The following ANAPC10 variants were observed in gnomAD, a reference collection of about 807,000 sequenced individuals.
ANAPC10 encodes anaphase promoting complex subunit 10.
In ANAPC10, 12 loss-of-function variants were observed where a neutral mutation model predicts 22.0. The observed-to-expected ratio is 0.55, with a 90% CI of 0.35 to 0.88. ANAPC10 has a LOEUF of 0.88. Ranked by LOEUF, ANAPC10 falls within the 40% of genes least tolerant of loss-of-function variation. The pLI, the probability that ANAPC10 is intolerant of heterozygous loss-of-function variation, is 0.01. For synonymous variants in ANAPC10, 65 were observed against 69.5 expected (o/e 0.94, Z 0.32); for missense variants, 188 against 220.9 (o/e 0.85, Z 0.94).
At chr4:145,060,351 C>G (rs1307017414) in intron 4 of ANAPC10, among the ~76,000 whole-genome samples, 1 of 151,924 alleles carries the variant, frequency 6.6e-6, no homozygotes, top group Non-Finnish European at 1.5e-5. Flanking sequence ...AAGGAAGGGT[C>G]TGATGCCTTT....
At chr4:145,031,920 C>A (rs1372931712) in intron 4 of ANAPC10, among the ~76,000 whole-genome samples, 3 of 152,220 alleles carry the variant, frequency 2.0e-5, no homozygotes, top group Non-Finnish European at 4.4e-5. Context: ...TCTGACCCAT[C>A]TAACTATAAA....
chr4:145,089,693 G>T (rs1204758881), intron 2 of ANAPC10, among the ~76,000 whole-genome samples: 1 of 152,040 alleles, frequency 6.6e-6, no homozygotes, highest in African/African-American at 2.4e-5. Flanking sequence ...AAAGATTTTT[G>T]CAAAGCCATG....
At chr4:145,057,587 C>T (rs947232730) in intron 4 of ANAPC10, among the ~76,000 whole-genome samples, 2 of 152,072 alleles carry the variant, frequency 1.3e-5, no homozygotes, top group Non-Finnish European at 2.9e-5. Context: ...TATCTCTAAC[C>T]CAGACTTCTT....
At chr4:145,028,525 C>G (rs1737078005) in intron 4 of ANAPC10, among the ~76,000 whole-genome samples, 1 of 152,104 alleles carries the variant, frequency 6.6e-6, no homozygotes, top group Admixed American at 6.6e-5. Context: ...ATGACTAATA[C>G]AGCTTTTGGT....
At chr4:145,003,797 T>C (rs1163608145) in intron 4 of ANAPC10, among the ~76,000 whole-genome samples, 1 of 152,186 alleles carries the variant, frequency 6.6e-6, no homozygotes, top group African/African-American at 2.4e-5. Context: ...TTGTTCTTCT[T>C]GTGTAAGATC....
intron 4 of ANAPC10, among the ~76,000 whole-genome samples, chr4:145,040,088 G>C (rs913597625): frequency 6.6e-6 from 1 of 151,604 alleles, no homozygotes; most frequent in African/African-American, 2.4e-5. Flanking sequence ...AGATTATATA[G>C]AAAAGCAAAC....
intron 2 of ANAPC10, among the ~76,000 whole-genome samples, chr4:145,086,301 G>A (rs924669525): frequency 2.6e-5 from 4 of 152,122 alleles, no homozygotes; most frequent in Non-Finnish European, 5.9e-5. Context: ...CTAAAACAAA[G>A]ACGTATCTAT....
chr4:145,066,113 G>A (rs1316294950), intron 3 of ANAPC10, among the ~76,000 whole-genome samples: 1 of 152,100 alleles, frequency 6.6e-6, no homozygotes, highest in Non-Finnish European at 1.5e-5. Flanking sequence ...GAAGTACTCT[G>A]TGTCAAAAGT....
At chr4:145,040,173 G>A (rs898254615) in intron 4 of ANAPC10, among the ~76,000 whole-genome samples, 2 of 149,390 alleles carry the variant, frequency 1.3e-5, no homozygotes, top group Admixed American at 6.7e-5. Context: ...GTTTTGAGAC[G>A]GAGTTTTGCT....
Position 145,025,340 on chromosome 4 carries a change from C to G in ANAPC10, c.328-29737G>C, listed in dbSNP as rs555429019. On this transcript the variant is annotated intron_variant, in intron 4 of 4. Coordinates refer to ENST00000507656, the MANE Select transcript of ANAPC10 (RefSeq NM_001256706.2). ...ATTTTGGCTTTCAACACGCCCCCCCCCCCTTTTAAGCTCAGTCCTTTCTAG... is the reference window on the plus strand; with the variant it reads ...ATTTTGGCTTTCAACACGCCCCCCCGCCCTTTTAAGCTCAGTCCTTTCTAG... Among the ~76,000 whole-genome samples, 9 of 150,424 alleles carry G rather than the reference C, an allele frequency of 6.0e-5. No individual in the cohort carries two copies. The South Asian group carries it at 6.6e-4, about 11-fold the overall frequency.
chr4:145,040,554 T>G (rs1439009674), intron 4 of ANAPC10, among the ~76,000 whole-genome samples: 2 of 152,224 alleles, frequency 1.3e-5, no homozygotes, highest in East Asian at 3.8e-4. Context: ...CTTAAAACAT[T>G]TGTTGCAATC....
chr4:145,035,666 C>A (rs1738407340), intron 4 of ANAPC10, among the ~76,000 whole-genome samples: 1 of 152,204 alleles, frequency 6.6e-6, no homozygotes, highest in Admixed American at 6.5e-5. Context: ...TTCATGGGTT[C>A]CAGCCTGTGC....
intron 4 of ANAPC10, among the ~76,000 whole-genome samples, chr4:145,063,048 C>T (rs1743143721): frequency 6.6e-6 from 1 of 151,962 alleles, no homozygotes; most frequent in Admixed American, 6.6e-5. Flanking sequence ...TCAAAGGGTA[C>T]AAAATTTCAG....
intron 4 of ANAPC10, among the ~76,000 whole-genome samples, chr4:145,009,935 C>T (rs1328822391): frequency 6.6e-6 from 1 of 152,144 alleles, no homozygotes; most frequent in African/African-American, 2.4e-5. Context: ...TGACAGAGGG[C>T]TAATATCCAG....
chr4:145,049,318 T>C (rs1740764815), intron 4 of ANAPC10, among the ~76,000 whole-genome samples: 1 of 152,194 alleles, frequency 6.6e-6, no homozygotes, highest in Non-Finnish European at 1.5e-5. Context: ...CAATATTCCT[T>C]TCATGAAAAA....
At chr4:145,087,235 A>C (rs1378956614) in intron 2 of ANAPC10, among the ~76,000 whole-genome samples, 2 of 152,228 alleles carry the variant, frequency 1.3e-5, no homozygotes, top group Admixed American at 1.3e-4. Context: ...CAAGAGCACT[A>C]ACACAACACC....
chr4:145,015,477 TGAA>T (rs755676707), intron 4 of ANAPC10, among the ~76,000 whole-genome samples: 53 of 152,102 alleles, frequency 3.5e-4, no homozygotes, highest in African/African-American at 8.9e-4. Flanking sequence ...TCGGTGTTCC[TGAA>T]GAAGAAGAGA....
intron 4 of ANAPC10, among the ~76,000 whole-genome samples, chr4:145,047,376 G>GC (rs1171435040): frequency 2.0e-5 from 3 of 152,228 alleles, no homozygotes; most frequent in African/African-American, 7.2e-5. Flanking sequence ...AGAGAACTCT[G>GC]CGTTCAATGG....
chr4:145,031,206 C>T (rs1223677625), intron 4 of ANAPC10, among the ~76,000 whole-genome samples: 1 of 152,216 alleles, frequency 6.6e-6, no homozygotes, highest in Non-Finnish European at 1.5e-5. Context: ...ACCTTGATCA[C>T]TTTTCCCTTC....
Sources: gnomAD v4.1 joint callset for allele counts (sites outside exome capture counted in the v4.1 genomes callset) on GRCh38, gnomAD v4.1.1 for gene constraint, MANE v1.5 for transcripts, NCBI Gene and HGNC (gene_info 2026-07-23, HGNC 2026-07-21) for gene names.